SUCLG2: variants seen among roughly 807,000 people sequenced by gnomAD.
SUCLG2 encodes the protein succinate--CoA ligase [GDP-forming] subunit beta, mitochondrial.
Under a neutral mutation model 47.9 loss-of-function variants are expected in SUCLG2, and 42 were observed. The observed-to-expected ratio is 0.88, with a 90% CI of 0.69 to 1.14. SUCLG2 has a LOEUF of 1.14. Ranked by LOEUF, SUCLG2 falls within the 50% of genes most tolerant of loss-of-function variation. The probability of loss-of-function intolerance (pLI) is 0.00; values close to 1 mark genes in which losing one functional copy is unlikely to be tolerated. For synonymous variants in SUCLG2, 195 were observed against 197.3 expected (o/e 0.99, Z 0.10); for missense variants, 571 against 525.9 (o/e 1.09, Z -0.84).
At chr3:67,440,974 A>G (rs1330923030) in intron 9 of SUCLG2, among the ~76,000 whole-genome samples, 2 of 152,244 alleles carry the variant, frequency 1.3e-5, no homozygotes, top group Non-Finnish European at 2.9e-5. Flanking sequence ...ACTTGGAACC[A>G]ATCCAAATGC....
At chr3:67,373,431 C>T (rs185352768), downstream of SUCLG2, among the ~76,000 whole-genome samples, 206 of 152,048 alleles carry the variant, frequency 1.4e-3, no homozygotes, top group Non-Finnish European at 2.4e-3. Flanking sequence ...TTCAAATAAG[C>T]TCAAAGCCAA....
At chr3:67,409,230 T>TA (rs1027388396) in intron 9 of SUCLG2, among the ~76,000 whole-genome samples, 1 of 150,990 alleles carries the variant, frequency 6.6e-6, no homozygotes, top group African/African-American at 2.4e-5. Flanking sequence ...CTTCAAACAC[T>TA]AAACTCTGTC....
intron 2 of SUCLG2, among the ~76,000 whole-genome samples, chr3:67,557,924 C>T (rs1004295017): frequency 8.5e-5 from 13 of 152,108 alleles, no homozygotes; most frequent in African/African-American, 2.7e-4. Context: ...ACAATCAGTC[C>T]CTTGGCTGTG....
intron 1 of SUCLG2, among the ~76,000 whole-genome samples, 198 bp from the exon 2 acceptor site, chr3:67,609,794 C>A (rs1475562066): frequency 6.6e-6 from 1 of 151,940 alleles, no homozygotes; most frequent in Non-Finnish European, 1.5e-5. Flanking sequence ...CAACTACACA[C>A]ACACAAATGA....
At chr3:67,578,297 TATATATAC>T (rs1707796012) in intron 2 of SUCLG2, among the ~76,000 whole-genome samples, 1 of 147,700 alleles carries the variant, frequency 6.8e-6, no homozygotes, top group Non-Finnish European at 1.5e-5. Context: ...TATAAAATCA[TATATATAC>T]ATATATATGA....
At chr3:67,629,996 A>G (rs1452524398) in intron 1 of SUCLG2, among the ~76,000 whole-genome samples, 1 of 152,118 alleles carries the variant, frequency 6.6e-6, no homozygotes, top group Non-Finnish European at 1.5e-5. Flanking sequence ...TAAAAACACA[A>G]AAGATAAATT....
At chr3:67,457,633 T>C (rs777819963) in intron 9 of SUCLG2, among the ~76,000 whole-genome samples, 13 of 148,872 alleles carry the variant, frequency 8.7e-5, no homozygotes, top group Non-Finnish European at 1.6e-4. Flanking sequence ...TAAAACTATA[T>C]AAATTGTTTT....
intron 1 of SUCLG2, among the ~76,000 whole-genome samples, chr3:67,626,346 C>T (rs538874984): frequency 1.3e-5 from 2 of 151,198 alleles, no homozygotes; most frequent in African/African-American, 2.4e-5. Context: ...AGCGGGGGCT[C>T]GGGCAACCAT....
At chr3:67,593,543 ACATCT>A in intron 2 of SUCLG2, among the ~76,000 whole-genome samples, 1 of 152,304 alleles carries the variant, frequency 6.6e-6, no homozygotes, top group Middle Eastern at 3.4e-3. Context: ...CAGCTCCACC[ACATCT>A]CCCGTGTAAA....
intron 9 of SUCLG2, among the ~76,000 whole-genome samples, chr3:67,479,754 C>G (rs763235991): frequency 6.6e-6 from 1 of 152,138 alleles, no homozygotes; most frequent in Non-Finnish European, 1.5e-5. Flanking sequence ...TGACTGAGCT[C>G]AAGATGAGGT....
chr3:67,426,365 C>T (rs527854906), intron 9 of SUCLG2, among the ~76,000 whole-genome samples: 16 of 152,166 alleles, frequency 1.1e-4, no homozygotes, highest in African/African-American at 3.4e-4. Context: ...GCTCTGATTA[C>T]CCAAAATGCT....
intron 9 of SUCLG2, among the ~76,000 whole-genome samples, chr3:67,490,841 A>G (rs992178391): frequency 6.6e-6 from 1 of 152,216 alleles, no homozygotes; most frequent in African/African-American, 2.4e-5. Context: ...AAGGTGCTCA[A>G]CCTCATTAGT....
At chr3:67,409,182 T>TGGGGTGGGGTCATGAAGGTACA in intron 9 of SUCLG2, 1 of 828,662 alleles carries the variant, frequency 1.2e-6, no homozygotes, top group Non-Finnish European at 1.8e-6. Context: ...TAGATGGGGC[T>TGGGGTGGGGTCATGAAGGTACA]GGGGAGGGGT....
chr3:67,520,780 C>G, intron 4 of SUCLG2, 146 bp from the exon 5 acceptor site: 1 of 869,586 alleles, frequency 1.1e-6, no homozygotes, highest in Non-Finnish European at 1.8e-6. Context: ...TTTGAGAGTT[C>G]TGCTCTCATG....
chr3:67,538,289 G>C (rs1215534470), intron 2 of SUCLG2, among the ~76,000 whole-genome samples: 1 of 152,130 alleles, frequency 6.6e-6, no homozygotes, highest in African/African-American at 2.4e-5. Flanking sequence ...TCTGCATATG[G>C]CTTACCAATT....
chr3:67,561,100 T>A (rs1352080385), intron 2 of SUCLG2, among the ~76,000 whole-genome samples: 1 of 150,372 alleles, frequency 6.7e-6, no homozygotes, highest in Non-Finnish European at 1.5e-5. Flanking sequence ...GGCTAACATT[T>A]TCTTCCTTAA....
intron 2 of SUCLG2, among the ~76,000 whole-genome samples, chr3:67,600,483 G>T (rs183264413): frequency 6.6e-6 from 1 of 152,254 alleles, no homozygotes; most frequent in East Asian, 1.9e-4. Context: ...GTGGTTTAGG[G>T]TAATCAGTCA....
At chr3:67,612,384 T>A (rs544056796) in intron 1 of SUCLG2, among the ~76,000 whole-genome samples, 6 of 150,770 alleles carry the variant, frequency 4.0e-5, no homozygotes, top group Admixed American at 3.3e-4. Flanking sequence ...ATGTGATACA[T>A]CTACAGAAGT....
intron 6 of SUCLG2, among the ~76,000 whole-genome samples, chr3:67,513,201 A>G (rs1025732939): frequency 3.9e-5 from 6 of 152,172 alleles, no homozygotes; most frequent in African/African-American, 1.2e-4. Flanking sequence ...AAGGTTCAGT[A>G]AAGTTCCATT....
Sources: allele counts gnomAD v4.1 joint callset (sites outside exome capture counted in the v4.1 genomes callset), GRCh38; gene constraint gnomAD v4.1.1; transcripts MANE v1.5; gene names NCBI Gene and HGNC (gene_info 2026-07-23, HGNC 2026-07-21).